Variants in DCAF8L2 observed in about 807,000 individuals in gnomAD.
DCAF8L2 encodes DDB1- and CUL4-associated factor 8-like protein 2.
For synonymous variants in DCAF8L2, 200 were observed against 190.9 expected (o/e 1.05, Z -0.39); for missense variants, 430 against 490.7 (o/e 0.88, Z 1.17).
At chrX:27,734,735 A>G (rs1921422459) in intron 4 of DCAF8L2, among the ~76,000 whole-genome samples, 2 of 111,985 alleles carry the variant, frequency 1.8e-5, no homozygotes, top group African/African-American at 3.2e-5. Flanking sequence ...TATTTCATAT[A>G]TTACCATGAG....
At chrX:27,572,479 A>AT in the DCAF8L2 span, among the ~76,000 whole-genome samples, 1 of 111,667 alleles carries the variant, frequency 9.0e-6, no homozygotes, top group African/African-American at 3.3e-5. Flanking sequence ...TTAAAATGCA[A>AT]TTTTTTCATC....
chrX:27,469,992 T>G, the DCAF8L2 span, among the ~76,000 whole-genome samples: 1 of 111,108 alleles, frequency 9.0e-6, no homozygotes, highest in Admixed American at 9.6e-5. Flanking sequence ...GGTCTCGAAC[T>G]CCTCACCTCA....
the DCAF8L2 span, among the ~76,000 whole-genome samples, chrX:27,560,337 C>T: frequency 1.7e-3 from 189 of 110,765 alleles, no homozygotes; most frequent in Middle Eastern, 4.7e-3. Context: ...TTTTTCTTTA[C>T]CCCTGTCTGT....
At chrX:27,640,519 T>A (rs1377914588) in intron 2 of DCAF8L2, among the ~76,000 whole-genome samples, 1 of 112,646 alleles carries the variant, frequency 8.9e-6, no homozygotes, top group African/African-American at 3.2e-5. Flanking sequence ...GATATTGTCA[T>A]CATTTCCCAA....
At chrX:27,566,510 C>T in the DCAF8L2 span, among the ~76,000 whole-genome samples, 366 of 110,373 alleles carry the variant, frequency 3.3e-3, 1 homozygote, top group Non-Finnish European at 4.9e-3. Flanking sequence ...TCTAGGTTAT[C>T]TAGTTGTTGG....
rs769923064 is a variant in DCAF8L2 at position 27,747,696 on chromosome X, A to C, written c.801A>C (p.Glu267Asp). The part of the protein sequence containing the change: ...WVRQRPVLNF[E>D]SGHTNNVFQA... ...GGCAGAGGCCAGTACTGAACTTTGA[A>C]AGTGGTCACACAAATAATGTCTTCC... Residue 267 changes from glutamate to aspartate, a missense_variant, in exon 5 of 5, where the codon GAA becomes GAC. Transcript: ENST00000451261. The C allele has an allele frequency of 1.7e-6, 2 of 1,210,728 alleles. No individual in the cohort carries two copies.
At chrX:27,519,202 C>A in the DCAF8L2 span, 2 of 1,088,102 alleles carry the variant, frequency 1.8e-6, no homozygotes, top group South Asian at 3.8e-5. Context: ...GCTAATGGAA[C>A]GTCTAAGACA....
intron 2 of DCAF8L2, among the ~76,000 whole-genome samples, chrX:27,672,070 G>A (rs1158690434): frequency 1.8e-5 from 2 of 112,160 alleles, no homozygotes; most frequent in Non-Finnish European, 3.8e-5. Context: ...TACAATGTTA[G>A]AAACTGACAA....
At position 27,642,939 on chromosome X, in the gene DCAF8L2, G is replaced by T. The variant is rs1033368007; in HGVS notation, c.-220+10939G>T. Reference sequence around the variant, plus strand: ...ATTTATTAACTCTACCATATTGTTGGTTTTTAAGTCAAGAGATGTCTTCAC... The same window carrying T: ...ATTTATTAACTCTACCATATTGTTGTTTTTTAAGTCAAGAGATGTCTTCAC... On this transcript the variant is annotated intron_variant, in intron 2 of 4. Transcript: ENST00000451261. Among the ~76,000 whole-genome samples the T allele has an allele frequency of 2.7e-5, 3 of 111,353 alleles. No homozygotes were observed. In the East Asian group the frequency reaches 8.5e-4, roughly 31 times the overall value.
chrX:27,676,662 G>A (rs1326706201), intron 2 of DCAF8L2, among the ~76,000 whole-genome samples: 1 of 111,090 alleles, frequency 9.0e-6, no homozygotes, highest in African/African-American at 3.3e-5. Context: ...AAGAAGAGCA[G>A]TAGATTACCA....
At chrX:27,472,145 C>T in the DCAF8L2 span, among the ~76,000 whole-genome samples, 3 of 111,628 alleles carry the variant, frequency 2.7e-5, no homozygotes, top group Non-Finnish European at 5.6e-5. Flanking sequence ...CATCACCATT[C>T]TCTTTCCCTT....
intron 3 of DCAF8L2, among the ~76,000 whole-genome samples, chrX:27,698,176 T>C (rs1381684255): frequency 9.0e-6 from 1 of 111,696 alleles, no homozygotes; most frequent in Non-Finnish European, 1.9e-5. Flanking sequence ...TTTTTCCTTA[T>C]TTGATAAACT....
At chrX:27,735,321 A>T (rs1269270741) in intron 4 of DCAF8L2, among the ~76,000 whole-genome samples, 1 of 111,552 alleles carries the variant, frequency 9.0e-6, no homozygotes, top group African/African-American at 3.3e-5. Context: ...ATGAAAAGAT[A>T]AGCAGCAATA....
At chrX:27,550,215 T>C in the DCAF8L2 span, among the ~76,000 whole-genome samples, 1 of 112,372 alleles carries the variant, frequency 8.9e-6, no homozygotes, top group East Asian at 2.8e-4. Flanking sequence ...TGATAGTCTC[T>C]TTTTGGTTGA....
Position 27,747,590 on chromosome X carries a change from A to G in DCAF8L2, c.695A>G (p.Asn232Ser). The change falls in exon 5 of 5, where the codon AAT (asparagine) becomes AGT (serine). Residue 232 changes from asparagine (N) to serine (S), a missense_variant. Coordinates refer to ENST00000451261, the MANE Select transcript of DCAF8L2 (RefSeq NM_001353450.2). ...YRLADHVGCV[N>S]TVHFNQRGTR... ...CTTGCAGACCATGTCGGCTGTGTCA[A>G]TACTGTACACTTTAACCAGCGTGGC... is the stretch of plus-strand genomic sequence containing the variant. 1 of 1,197,215 alleles carries G rather than the reference A, an allele frequency of 8.4e-7. No homozygotes were observed. The highest frequency in any genetic ancestry group is 1.1e-6 in the Non-Finnish European group (1 of 887,798).
chrX:27,550,633 C>G, the DCAF8L2 span, among the ~76,000 whole-genome samples: 1 of 110,076 alleles, frequency 9.1e-6, no homozygotes. Flanking sequence ...CTTATTCTTC[C>G]TATCCAACCG....
At chrX:27,557,217 T>C in the DCAF8L2 span, among the ~76,000 whole-genome samples, 2 of 112,318 alleles carry the variant, frequency 1.8e-5, no homozygotes, top group Non-Finnish European at 3.8e-5. Flanking sequence ...GTTTGAATGA[T>C]CAAAATACTA....
chrX:27,510,218 CTCTT>C, the DCAF8L2 span, among the ~76,000 whole-genome samples: 2 of 109,208 alleles, frequency 1.8e-5, no homozygotes, highest in Admixed American at 2.0e-4. Flanking sequence ...TTTTTTTTCT[CTCTT>C]AACTTAAAAC....
At chrX:27,515,021 A>G in the DCAF8L2 span, among the ~76,000 whole-genome samples, 1,661 of 111,888 alleles carry the variant, frequency 0.015, 44 homozygotes, top group African/African-American at 0.052. Context: ...CAAGATAGAT[A>G]GAAGACTTTG....
Sources: allele counts gnomAD v4.1 joint callset (sites outside exome capture counted in the v4.1 genomes callset), GRCh38; gene constraint gnomAD v4.1.1; transcripts MANE v1.5; gene names NCBI Gene and HGNC (gene_info 2026-07-23, HGNC 2026-07-21).